The following ASAP1 variants were observed in gnomAD, a reference collection of about 807,000 sequenced individuals.
The protein encoded by ASAP1 is ArfGAP with SH3 domain, ankyrin repeat and PH domain 1.
A neutral mutation model predicts 145.2 loss-of-function variants in ASAP1; 43 were observed. That is an observed-to-expected ratio of 0.30 (90% CI 0.23 to 0.38). The LOEUF is 0.38. Among genes scored for constraint, ASAP1 ranks in the 10% least tolerant of loss-of-function variants. The pLI is 1.00. For missense variants in ASAP1, 1,018 were observed against 1,355.3 expected (o/e 0.75, Z 3.91); for synonymous variants, 546 against 515.5 (o/e 1.06, Z -0.80).
chr8:130,137,143 G>A, intron 13 of ASAP1, 105 bp from the exon 14 acceptor site: 1 of 894,736 alleles, frequency 1.1e-6, no homozygotes, highest in Middle Eastern at 2.2e-4. Flanking sequence ...CCTGCTCAGT[G>A]GTACAAAAAT....
rs567490564 is a variant in ASAP1 at position 130,435,673 on chromosome 8, A to G, written c.-28+7787T>C. Reference sequence around the variant, plus strand: ...GTCTCCCAGAATTAGAGGAGAACTGAGACCCCTTTATAAAATCAGGACCCT... The same window carrying G: ...GTCTCCCAGAATTAGAGGAGAACTGGGACCCCTTTATAAAATCAGGACCCT... On this transcript the variant is annotated intron_variant, in intron 1 of 29. Coordinates refer to ENST00000518721, the MANE Select transcript of ASAP1 (RefSeq NM_018482.4). Among the ~76,000 whole-genome samples, 11 of 152,348 alleles carry G rather than the reference A, an allele frequency of 7.2e-5. No homozygotes were observed. The East Asian group carries it at 2.1e-3, about 29-fold the overall frequency.
At chr8:130,063,640 C>T (rs73405557) in intron 27 of ASAP1, among the ~76,000 whole-genome samples, 2 of 152,136 alleles carry the variant, frequency 1.3e-5, no homozygotes, top group East Asian at 1.9e-4. Flanking sequence ...AAGAGCCCCG[C>T]GATGTGGATA....
At chr8:130,307,061 G>GT (rs949848981) in intron 3 of ASAP1, among the ~76,000 whole-genome samples, 1 of 152,102 alleles carries the variant, frequency 6.6e-6, no homozygotes, top group East Asian at 1.9e-4. Flanking sequence ...TCCTTACTAA[G>GT]TTTTTTCCAC....
In ASAP1 at chr8:130,108,757, G is replaced by GTTTTTTTTTTTTT. The variant is rs10568607; in HGVS notation, c.2401+3324_2401+3336dup. Among the ~76,000 whole-genome samples, 2 of 51,560 alleles carry GTTTTTTTTTTTTT rather than the reference G, an allele frequency of 3.9e-5. 1 individual carries two copies. Among genetic ancestry groups the GTTTTTTTTTTTTT allele is most frequent in the African/African-American group, 1.7e-4 (2 of 12,038 alleles). The allele number at this position is 51,560 out of a possible 152,430, so 33.8% of individuals were successfully genotyped here. A position where few individuals can be genotyped will look rare whatever the true frequency, so the allele number is the denominator to read the frequency against. On this transcript the variant is annotated intron_variant, in intron 24 of 29. Transcript: ENST00000518721. ...TAATCTTGGCAAGCCTCAAAAACCAGTTTTTTTTTTTTTTTTTTTTTTTTT... is the reference window on the plus strand; with the variant it reads ...TAATCTTGGCAAGCCTCAAAAACCAGTTTTTTTTTTTTTTTTTTTTTTTTTTTTTTTTTTTTTT...
At chr8:130,298,528 C>T (rs961666340) in intron 3 of ASAP1, among the ~76,000 whole-genome samples, 1 of 152,236 alleles carries the variant, frequency 6.6e-6, no homozygotes, top group African/African-American at 2.4e-5. Flanking sequence ...CCAATCCATT[C>T]TCCACACTGC....
chr8:130,131,423 C>T (rs543614100), intron 15 of ASAP1, among the ~76,000 whole-genome samples: 1 of 151,804 alleles, frequency 6.6e-6, no homozygotes, highest in African/African-American at 2.4e-5. Flanking sequence ...ACTGCCATTA[C>T]CTCCTACAGC....
At chr8:130,262,560 C>A (rs1820001147) in intron 3 of ASAP1, among the ~76,000 whole-genome samples, 1 of 151,526 alleles carries the variant, frequency 6.6e-6, no homozygotes, top group South Asian at 2.1e-4. Context: ...AAGAAAGTAG[C>A]CTTTGAATGT....
At chr8:130,098,723 G>T (rs1013012436) in intron 24 of ASAP1, among the ~76,000 whole-genome samples, 2 of 152,168 alleles carry the variant, frequency 1.3e-5, no homozygotes, top group African/African-American at 4.8e-5. Context: ...TGTATAATGT[G>T]TAATGATCAA....
intron 4 of ASAP1, among the ~76,000 whole-genome samples, chr8:130,227,947 G>A (rs1367631682): frequency 6.6e-6 from 1 of 152,120 alleles, no homozygotes; most frequent in Non-Finnish European, 1.5e-5. Context: ...TCTGAGGGAA[G>A]GGCAACAGCA....
At chr8:130,435,188 G>A (rs1404265170) in intron 1 of ASAP1, among the ~76,000 whole-genome samples, 1 of 152,210 alleles carries the variant, frequency 6.6e-6, no homozygotes, top group Non-Finnish European at 1.5e-5. Context: ...GAGGTCCACA[G>A]AGGATAAATG....
chr8:130,374,956 TG>T (rs1827412624), intron 2 of ASAP1, among the ~76,000 whole-genome samples: 1 of 152,216 alleles, frequency 6.6e-6, no homozygotes, highest in Admixed American at 6.5e-5. Flanking sequence ...GAATCATTTG[TG>T]GGCCCCCTTC....
intron 3 of ASAP1, among the ~76,000 whole-genome samples, chr8:130,330,509 G>C (rs886689806): frequency 1.8e-4 from 27 of 152,360 alleles, no homozygotes; most frequent in African/African-American, 5.8e-4. Context: ...CAGAAAGCAT[G>C]TCTAATTCAT....
intron 27 of ASAP1, among the ~76,000 whole-genome samples, chr8:130,067,125 C>T (rs578035969): frequency 5.9e-5 from 9 of 152,328 alleles, no homozygotes; most frequent in Non-Finnish European, 8.8e-5. Context: ...AGACCTGCAC[C>T]TATCTCCTAT....
rs117882606 is a variant in ASAP1 at position 130,294,635 on chromosome 8, C to A, written c.187-57641G>T. Among the ~76,000 whole-genome samples, 21 of 152,348 alleles carry A rather than the reference C, an allele frequency of 1.4e-4. No individual in the cohort carries two copies. The South Asian group carries it at 3.5e-3, about 26-fold the overall frequency. On this transcript the variant is annotated intron_variant, in intron 3 of 29. Transcript: ENST00000518721. ...CAGTGGACTTACACAAATCTAAGTT[C>A]TCTTCTCCCTTACTGGGGTTACTGC... is the stretch of plus-strand genomic sequence containing the variant.
intron 1 of ASAP1, among the ~76,000 whole-genome samples, chr8:130,438,098 G>C (rs887542100): frequency 6.6e-6 from 1 of 152,180 alleles, no homozygotes; most frequent in Non-Finnish European, 1.5e-5. Flanking sequence ...TCAGCTCGTC[G>C]GTGGCCAAGA....
intron 15 of ASAP1, among the ~76,000 whole-genome samples, chr8:130,132,473 G>C (rs1353658607): frequency 6.6e-6 from 1 of 152,084 alleles, no homozygotes; most frequent in Non-Finnish European, 1.5e-5. Flanking sequence ...CTGGAGTATA[G>C]AGTATTTACA....
In ASAP1 at chr8:130,215,530, T is replaced by G. The variant is rs1586610877; in HGVS notation, c.260-829A>C. 2.0e-5 allele frequency among the ~76,000 whole-genome samples: 3 copies of G among 151,172 alleles called. No individual in the cohort carries two copies. In the Middle Eastern group the frequency reaches 0.01, roughly 514 times the overall value. ...AGGCCAAGGCGGGCCGATCACGAGG[T>G]CAGGAGATCGAGACCATCCTGACTA... is the stretch of plus-strand genomic sequence containing the variant. On this transcript the variant is annotated intron_variant, in intron 4 of 29. Coordinates refer to ENST00000518721, the MANE Select transcript of ASAP1 (RefSeq NM_018482.4).
chr8:130,369,527 TAAAG>T (rs1212072502), intron 2 of ASAP1, among the ~76,000 whole-genome samples: 3 of 152,112 alleles, frequency 2.0e-5, no homozygotes, highest in Non-Finnish European at 2.9e-5. Flanking sequence ...AACCCAACAA[TAAAG>T]AGATAAATAA....
At chr8:130,144,882 T>C (rs1436466667) in intron 13 of ASAP1, among the ~76,000 whole-genome samples, 4 of 152,212 alleles carry the variant, frequency 2.6e-5, no homozygotes, top group Non-Finnish European at 5.9e-5. Context: ...TGTATGTATA[T>C]GTGAGAAAGA....
Sources: allele counts gnomAD v4.1 joint callset (sites outside exome capture counted in the v4.1 genomes callset), GRCh38; gene constraint gnomAD v4.1.1; transcripts MANE v1.5; gene names NCBI Gene and HGNC (gene_info 2026-07-23, HGNC 2026-07-21).